CRHR1: variants seen among roughly 807,000 people sequenced by gnomAD.
CRHR1 encodes the protein corticotropin-releasing hormone receptor 1.
A neutral mutation model predicts 56.0 loss-of-function variants in CRHR1; 28 were observed. That is an observed-to-expected ratio of 0.50 (90% CI 0.37 to 0.69). The LOEUF (loss-of-function observed/expected upper bound fraction) is 0.69. Ranked by LOEUF, CRHR1 falls within the 30% of genes least tolerant of loss-of-function variation. CRHR1 has a pLI of 0.00. For missense variants in CRHR1, 376 were observed against 548.0 expected, an observed-to-expected ratio of 0.69 and a Z score of 3.13; for synonymous variants, 195 against 216.5, an observed-to-expected ratio of 0.90 and a Z score of 0.87.
At chr17:45,821,309 G>T (rs780252219) in intron 3 of CRHR1, 46 bp from the exon 4 acceptor site, 4 of 1,564,056 alleles carry the variant, frequency 2.6e-6, no homozygotes, top group Non-Finnish European at 3.5e-6. Flanking sequence ...GGTCAGGCAG[G>T]GGCCGGGGCT....
Position 45,830,097 on chromosome 17 carries a change from C to T in CRHR1, c.438C>T (p.Ser146=). 1 of 1,614,102 alleles carries T rather than the reference C, an allele frequency of 6.2e-7. No homozygotes were observed. Among genetic ancestry groups the T allele is most frequent in the Non-Finnish European group, 8.5e-7 (1 of 1,179,992 alleles). Residue 146 remains serine (S), a synonymous_variant, in exon 6 of 13, where the codon AGC becomes AGT. Coordinates refer to ENST00000314537, the MANE Select transcript of CRHR1 (RefSeq NM_004382.5). ...TCCACCCGCCCTGCTGCACCAGGAG[C>T]ATCCGGTGCCTGCGAAACATCATCC... ...VAFVLFLRLR[S]IRCLRNIIHW...
chr17:45,832,058 T>TA (rs369727689), intron 8 of CRHR1, among the ~76,000 whole-genome samples: 2,015 of 124,438 alleles, frequency 0.016, 45 homozygotes, highest in African/African-American at 0.041. Flanking sequence ...CCGTATCTAC[T>TA]AAAAAAAAAA....
intron 4 of CRHR1, among the ~76,000 whole-genome samples, chr17:45,828,191 G>A (rs1370034166): frequency 2.6e-5 from 4 of 152,248 alleles, no homozygotes; most frequent in Non-Finnish European, 5.9e-5. Flanking sequence ...GATGGGGGCT[G>A]TGCTCTTGGG....
At position 45,807,881 on chromosome 17, in the gene CRHR1, C is replaced by T. The variant is rs113874638; in HGVS notation, c.121+784C>T. 2.8e-3 allele frequency among the ~76,000 whole-genome samples: 426 copies of T among 152,296 alleles called. 3 individuals are homozygous for T. Among genetic ancestry groups the T allele is most frequent in the African/African-American group, 9.7e-3 (403 of 41,554 alleles). On this transcript the variant is annotated intron_variant, in intron 2 of 12. Coordinates refer to ENST00000314537, the MANE Select transcript of CRHR1 (RefSeq NM_004382.5). ...TGGGAGAGTTACATAACCCCCATGG[C>T]ACCATGCAGCCAGTACATGGCAGTG... is the stretch of plus-strand genomic sequence containing the variant.
chr17:45,819,062 C>A (rs2061985251), intron 3 of CRHR1, among the ~76,000 whole-genome samples: 1 of 152,120 alleles, frequency 6.6e-6, no homozygotes, highest in South Asian at 2.1e-4. Flanking sequence ...TCAAGGGGGG[C>A]AAGGGTGTTG....
At position 45,834,978 on chromosome 17, in the gene CRHR1, G is replaced by T. The variant is rs1280268184; in HGVS notation, c.*214G>T. 2.4e-5 allele frequency: 15 copies of T among 624,496 alleles called. No individual in the cohort carries two copies. The highest frequency in any genetic ancestry group is 1.5e-4 in the Admixed American group (5 of 33,096). The allele number at this position is 624,496 out of a possible 1,614,324, so 38.7% of individuals were successfully genotyped here. ...AAAGTCACCTACAGGACTGGGCCGG[G>T]CCCAGGGCCTCTGGCTTCCCTGCCC... On this transcript the variant is annotated 3_prime_UTR_variant, in exon 13 of 13. Transcript: ENST00000314537.
intron 3 of CRHR1, 40 bp downstream of exon 3, chr17:45,816,622 G>A (rs560345108): frequency 5.0e-6 from 8 of 1,612,858 alleles, no homozygotes; most frequent in Non-Finnish European, 5.9e-6. Flanking sequence ...GCTGGGAGGT[G>A]GGACAGGATG....
At chr17:45,829,066 G>A in intron 4 of CRHR1, 149 bp from the exon 5 acceptor site, 1 of 643,808 alleles carries the variant, frequency 1.6e-6, no homozygotes, top group Non-Finnish European at 2.8e-6. Context: ...TTGCTCTGCA[G>A]CGAGGCCTGA....
rs965516819 is a variant in CRHR1, at chr17:45,830,873, C to T, written c.710-7C>T. The T allele has an allele frequency of 6.2e-7, 1 of 1,613,566 alleles. No individual in the cohort carries two copies. The highest frequency in any genetic ancestry group is 2.2e-5 in the East Asian group (1 of 44,866). ...GAGGGCTCTGTGACAGCCCATCTCTCCCCCAGGTGTGCCCTTCCCCATCAT... is the reference window on the plus strand; with the variant it reads ...GAGGGCTCTGTGACAGCCCATCTCTTCCCCAGGTGTGCCCTTCCCCATCAT... On this transcript the variant is annotated splice_polypyrimidine_tract_variant and splice_region_variant and intron_variant, in intron 7 of 12. Transcript: ENST00000314537.
chr17:45,825,586 G>A (rs562901741), intron 4 of CRHR1: 29 of 154,686 alleles, frequency 1.9e-4, no homozygotes, highest in African/African-American at 6.0e-4. Flanking sequence ...TGCTCACCGT[G>A]TGGGGAGAGG....
At chr17:45,833,375 G>T in intron 9 of CRHR1, 77 bp from the exon 10 acceptor site, 2 of 1,509,658 alleles carry the variant, frequency 1.3e-6, no homozygotes, top group Non-Finnish European at 1.8e-6. Context: ...AACAGCAGGG[G>T]CACTGAGGCC....
chr17:45,806,658 G>A (rs558211265), intron 1 of CRHR1, among the ~76,000 whole-genome samples: 9 of 152,318 alleles, frequency 5.9e-5, no homozygotes, highest in South Asian at 4.1e-4. Flanking sequence ...GTGGGACACC[G>A]TTGGACCATG....
intron 1 of CRHR1, among the ~76,000 whole-genome samples, chr17:45,788,343 T>C (rs1320360189): frequency 6.6e-6 from 1 of 152,216 alleles, no homozygotes; most frequent in African/African-American, 2.4e-5. Flanking sequence ...ACAGGGGTAT[T>C]GGACTGGATT....
Position 45,833,508 on chromosome 17 carries a change from A to G in CRHR1, c.900A>G (p.Ala300=), listed in dbSNP as rs763298635. The change falls in exon 10 of 13, where the codon GCA becomes GCG. Residue 300 remains alanine (A), a synonymous_variant. Coordinates refer to ENST00000314537, the MANE Select transcript of CRHR1 (RefSeq NM_004382.5). Reference sequence around the variant, plus strand: ...GCATCCTCATGACCAAGCTCCGGGCATCCACCACGTCTGAGACCATTCAGT... The same window carrying G: ...GCATCCTCATGACCAAGCTCCGGGCGTCCACCACGTCTGAGACCATTCAGT... ...IVRILMTKLR[A]STTSETIQYR... 3 of 1,613,886 alleles carry G rather than the reference A, an allele frequency of 1.9e-6. No homozygotes were observed. Among genetic ancestry groups the G allele is most frequent in the African/African-American group, 2.7e-5 (2 of 74,896 alleles).
chr17:45,810,459 A>G (rs572147576), intron 2 of CRHR1, among the ~76,000 whole-genome samples: 2 of 151,862 alleles, frequency 1.3e-5, no homozygotes, highest in East Asian at 3.9e-4. Context: ...GAGTTGCCCA[A>G]ACACACTAAG....
At chr17:45,811,011 G>T (rs1195575321) in intron 2 of CRHR1, among the ~76,000 whole-genome samples, 1 of 152,220 alleles carries the variant, frequency 6.6e-6, no homozygotes, top group African/African-American at 2.4e-5. Context: ...CCCCCTCCTG[G>T]GTTTAAGCCA....
At chr17:45,808,958 T>C (rs187061546) in intron 2 of CRHR1, among the ~76,000 whole-genome samples, 135 of 152,276 alleles carry the variant, frequency 8.9e-4, no homozygotes, top group African/African-American at 3.1e-3. Context: ...GCTTACTGTA[T>C]AGCTGGAATG....
At chr17:45,823,423 T>C (rs1445371374) in intron 4 of CRHR1, among the ~76,000 whole-genome samples, 1 of 146,916 alleles carries the variant, frequency 6.8e-6, no homozygotes, top group Non-Finnish European at 1.5e-5. Context: ...TTTTTTTTTT[T>C]TTTGAGACAG....
chr17:45,811,565 C>A (rs2061825427), intron 2 of CRHR1, among the ~76,000 whole-genome samples: 1 of 152,224 alleles, frequency 6.6e-6, no homozygotes, highest in Non-Finnish European at 1.5e-5. Flanking sequence ...CATCCCCAAC[C>A]AGGAAAGACC....
Sources: gnomAD v4.1 joint callset for allele counts (sites outside exome capture counted in the v4.1 genomes callset) on GRCh38, gnomAD v4.1.1 for gene constraint, MANE v1.5 for transcripts, NCBI Gene and HGNC (gene_info 2026-07-23, HGNC 2026-07-21) for gene names.